The following PPP1R9A variants were observed in gnomAD, a reference collection of about 807,000 sequenced individuals.
The protein encoded by PPP1R9A is neurabin-1.
A neutral mutation model predicts 141.9 loss-of-function variants in PPP1R9A; 59 were observed. That is an observed-to-expected ratio of 0.42 (90% CI 0.34 to 0.52). The LOEUF is 0.52. Ranked by LOEUF, PPP1R9A falls within the 20% of genes least tolerant of loss-of-function variation. The pLI, the probability that PPP1R9A is intolerant of heterozygous loss-of-function variation, is 0.10. For synonymous variants in PPP1R9A, 500 were observed against 569.7 expected (o/e 0.88, Z 1.74); for missense variants, 1,444 against 1,611.9 (o/e 0.90, Z 1.78).
intron 2 of PPP1R9A, among the ~76,000 whole-genome samples, chr7:94,925,054 A>T (rs1793300413): frequency 6.6e-6 from 1 of 152,198 alleles, no homozygotes; most frequent in South Asian, 2.1e-4. Context: ...AACCAATAGG[A>T]TGTGTATATA....
At chr7:95,253,761 A>G (rs1291278089) in intron 12 of PPP1R9A, among the ~76,000 whole-genome samples, 1 of 152,108 alleles carries the variant, frequency 6.6e-6, no homozygotes, top group Non-Finnish European at 1.5e-5. Context: ...TATACCTGGA[A>G]CACTATAAGA....
intron 4 of PPP1R9A, among the ~76,000 whole-genome samples, chr7:95,138,223 C>T (rs1248525965): frequency 4.6e-5 from 7 of 152,218 alleles, no homozygotes; most frequent in East Asian, 3.9e-4. Flanking sequence ...TGAGCCACCG[C>T]GCCCGGCCAG....
Position 95,116,636 on chromosome 7 carries a change from A to G in PPP1R9A, c.1529-4076A>G, listed in dbSNP as rs1821571859. Among the ~76,000 whole-genome samples the G allele has an allele frequency of 2.6e-5, 4 of 152,330 alleles. No individual in the cohort carries two copies. The South Asian group carries it at 8.3e-4, about 32-fold the overall frequency. ...AAGAAGGCTCCAAATAGAACTGCCA[A>G]CAAAGTTGGGTTGGGAGAGGAGAAT... On this transcript the variant is annotated intron_variant, in intron 3 of 19. Transcript: ENST00000433360.
chr7:95,203,586 G>C, intron 6 of PPP1R9A, 79 bp from the exon 7 acceptor site: 1 of 1,064,454 alleles, frequency 9.4e-7, no homozygotes, highest in South Asian at 1.4e-5. Flanking sequence ...CTGGGACTCA[G>C]TGTTTTTCAA....
chr7:95,253,550 T>C (rs1328140842), intron 12 of PPP1R9A, among the ~76,000 whole-genome samples: 1 of 152,164 alleles, frequency 6.6e-6, no homozygotes, highest in African/African-American at 2.4e-5. Context: ...GAGGAGGATT[T>C]AGCATTAGCA....
At chr7:95,232,142 G>C (rs1796048829) in intron 8 of PPP1R9A, among the ~76,000 whole-genome samples, 1 of 152,042 alleles carries the variant, frequency 6.6e-6, no homozygotes, top group African/African-American at 2.4e-5. Context: ...AAATCTAGAG[G>C]AGATGTTTAA....
At chr7:95,130,515 G>A (rs1824393152) in intron 4 of PPP1R9A, among the ~76,000 whole-genome samples, 1 of 152,146 alleles carries the variant, frequency 6.6e-6, no homozygotes, top group Non-Finnish European at 1.5e-5. Flanking sequence ...CCCCCACACA[G>A]AATTCCTACT....
At chr7:95,016,586 G>A (rs1427106865) in intron 2 of PPP1R9A, among the ~76,000 whole-genome samples, 2 of 152,004 alleles carry the variant, frequency 1.3e-5, no homozygotes, top group Non-Finnish European at 2.9e-5. Context: ...ATTAAAAAAA[G>A]AAATGAATCT....
At chr7:94,927,464 ATAT>A (rs1430792736) in intron 2 of PPP1R9A, among the ~76,000 whole-genome samples, 1 of 152,150 alleles carries the variant, frequency 6.6e-6, no homozygotes, top group South Asian at 2.1e-4. Flanking sequence ...CTTGAGATTA[ATAT>A]TATAACATTT....
intron 2 of PPP1R9A, among the ~76,000 whole-genome samples, chr7:94,982,406 T>C (rs1800239092): frequency 6.6e-6 from 1 of 152,204 alleles, no homozygotes; most frequent in Non-Finnish European, 1.5e-5. Context: ...CCACACTGTC[T>C]TCCACAATGG....
intron 4 of PPP1R9A, among the ~76,000 whole-genome samples, chr7:95,157,449 TCTGCAGCTGCAATTTGGGCAG>T (rs1337743744): frequency 6.6e-6 from 1 of 152,068 alleles, no homozygotes; most frequent in Non-Finnish European, 1.5e-5. Flanking sequence ...GAGGCCCAGG[TCTGCAGCTGCAATTTGGGCAG>T]CTGCAGCTGC....
intron 2 of PPP1R9A, among the ~76,000 whole-genome samples, chr7:95,084,938 A>G (rs766378310): frequency 1.3e-5 from 2 of 151,974 alleles, no homozygotes; most frequent in Non-Finnish European, 2.9e-5. Flanking sequence ...GTGTGTCTCC[A>G]TGTGAACTAG....
chr7:95,068,264 G>A (rs972077581), intron 2 of PPP1R9A, among the ~76,000 whole-genome samples: 1 of 152,034 alleles, frequency 6.6e-6, no homozygotes, highest in Non-Finnish European at 1.5e-5. Flanking sequence ...GAGATCAGGA[G>A]TTTGAGACCA....
At chr7:95,173,630 A>G (rs1314561487) in intron 5 of PPP1R9A, among the ~76,000 whole-genome samples, 2 of 152,098 alleles carry the variant, frequency 1.3e-5, no homozygotes, top group Non-Finnish European at 2.9e-5. Flanking sequence ...CAATTTTCTG[A>G]TAAAGAACTC....
chr7:95,249,577 T>C (rs1326159698), intron 9 of PPP1R9A, among the ~76,000 whole-genome samples: 1 of 152,138 alleles, frequency 6.6e-6, no homozygotes, highest in Non-Finnish European at 1.5e-5. Context: ...GATCCCCTCT[T>C]AACCATTAAG....
intron 4 of PPP1R9A, among the ~76,000 whole-genome samples, chr7:95,159,211 A>G (rs955943595): frequency 1.3e-5 from 2 of 152,258 alleles, no homozygotes; most frequent in African/African-American, 4.8e-5. Context: ...AGTTGTTAAA[A>G]TAAATTAGGT....
intron 7 of PPP1R9A, among the ~76,000 whole-genome samples, chr7:95,225,327 G>A (rs1423744229): frequency 6.6e-6 from 1 of 152,114 alleles, no homozygotes; most frequent in East Asian, 1.9e-4. Context: ...AACTTTATGT[G>A]AAACATTTTT....
rs192575447 is a variant in PPP1R9A, at chr7:94,949,281, T to C, written c.1395+37773T>C. Among the ~76,000 whole-genome samples, 44 of 152,228 alleles carry C rather than the reference T, an allele frequency of 2.9e-4. No homozygotes were observed. The East Asian group carries it at 6.2e-3, about 21-fold the overall frequency. On this transcript the variant is annotated intron_variant, in intron 2 of 19. Transcript: ENST00000433360. Reference sequence around the variant, plus strand: ...TTTCTCAAAACTCTCATATGCCTTTTGGTTTCTACACTCACAGATTTCCAC... The same window carrying C: ...TTTCTCAAAACTCTCATATGCCTTTCGGTTTCTACACTCACAGATTTCCAC...
intron 4 of PPP1R9A, among the ~76,000 whole-genome samples, chr7:95,139,770 G>A (rs1359114727): frequency 1.4e-5 from 2 of 145,548 alleles, no homozygotes; most frequent in Non-Finnish European, 1.5e-5. Flanking sequence ...TGTGGGAGCT[G>A]TAGTTCATTG....
Sources: gnomAD v4.1 joint callset for allele counts (sites outside exome capture counted in the v4.1 genomes callset) on GRCh38, gnomAD v4.1.1 for gene constraint, MANE v1.5 for transcripts, NCBI Gene and HGNC (gene_info 2026-07-23, HGNC 2026-07-21) for gene names.